GRID2: variants seen among roughly 807,000 people sequenced by gnomAD.
GRID2 encodes the protein glutamate receptor ionotropic, delta-2.
Under a neutral mutation model 114.8 loss-of-function variants are expected in GRID2, and 33 were observed. That is an observed-to-expected ratio of 0.29 (90% CI 0.22 to 0.38). The LOEUF (loss-of-function observed/expected upper bound fraction) is 0.38. GRID2 is among the 10% of genes least tolerant of loss of function. The pLI is 1.00. For missense variants in GRID2, 1,184 were observed against 1,257.7 expected (o/e 0.94, Z 0.89); for synonymous variants, 505 against 449.9 (o/e 1.12, Z -1.55).
chr4:92,649,616 T>C (rs2149260685), intron 2 of GRID2, among the ~76,000 whole-genome samples: 1 of 152,000 alleles, frequency 6.6e-6, no homozygotes. Flanking sequence ...AAATTAACCA[T>C]CACAAGTCCA....
chr4:93,103,331 T>C (rs1386786043), intron 3 of GRID2, among the ~76,000 whole-genome samples: 1 of 151,996 alleles, frequency 6.6e-6, no homozygotes, highest in African/African-American at 2.4e-5. Context: ...CCTGATAGCC[T>C]CTCTAGTCTC....
At chr4:92,467,654 A>G (rs993594964) in intron 1 of GRID2, among the ~76,000 whole-genome samples, 3 of 151,986 alleles carry the variant, frequency 2.0e-5, no homozygotes, top group African/African-American at 7.2e-5. Flanking sequence ...TATCCAACCA[A>G]GTATGGAAAA....
intron 2 of GRID2, among the ~76,000 whole-genome samples, chr4:92,692,843 C>T (rs1442234146): frequency 1.3e-5 from 2 of 151,578 alleles, no homozygotes; most frequent in African/African-American, 2.4e-5. Context: ...GCCAACATGG[C>T]GAAACCCCAT....
chr4:92,547,400 T>C (rs35237831), intron 1 of GRID2, among the ~76,000 whole-genome samples: 32,260 of 152,116 alleles, frequency 0.21, 3,811 homozygotes, highest in South Asian at 0.29. Context: ...TTGAATTTAT[T>C]TTGTTTTTAT....
intron 2 of GRID2, among the ~76,000 whole-genome samples, chr4:93,012,144 A>G (rs78307521): frequency 0.023 from 3,409 of 151,294 alleles, 62 homozygotes; most frequent in Non-Finnish European, 0.035. Flanking sequence ...AGAAGAGATT[A>G]AGGAGTAATA....
chr4:93,289,879 T>G (rs1753555109), intron 8 of GRID2, among the ~76,000 whole-genome samples: 1 of 152,000 alleles, frequency 6.6e-6, no homozygotes, highest in Non-Finnish European at 1.5e-5. Flanking sequence ...TTAAAACAAC[T>G]AACAATAAGG....
chr4:92,638,480 T>C lies in GRID2; in HGVS notation c.244+48194T>C, dbSNP rs533149095. Among the ~76,000 whole-genome samples, 551 of 147,702 alleles carry C rather than the reference T, an allele frequency of 3.7e-3. 2 individuals are homozygous for C. The highest frequency in any genetic ancestry group is 5.5e-3 in the Non-Finnish European group (370 of 67,010). Reference sequence around the variant, plus strand: ...AAATACATATATGTATAATATATAATATATAAAATAAAATTTTATATATAT... The same window carrying C: ...AAATACATATATGTATAATATATAACATATAAAATAAAATTTTATATATAT... On this transcript the variant is annotated intron_variant, in intron 2 of 15. Transcript: ENST00000282020.
At chr4:93,069,550 T>G (rs1378304539) in intron 2 of GRID2, among the ~76,000 whole-genome samples, 1 of 151,958 alleles carries the variant, frequency 6.6e-6, no homozygotes, top group Non-Finnish European at 1.5e-5. Flanking sequence ...TGATAATGAA[T>G]CCTGAGTATG....
At chr4:92,819,374 C>T (rs1037748351) in intron 2 of GRID2, among the ~76,000 whole-genome samples, 1 of 152,040 alleles carries the variant, frequency 6.6e-6, no homozygotes, top group Non-Finnish European at 1.5e-5. Flanking sequence ...GCAGCCAGTA[C>T]TGAGAACCAC....
intron 2 of GRID2, among the ~76,000 whole-genome samples, chr4:92,869,861 A>G (rs1381840963): frequency 1.3e-5 from 2 of 152,118 alleles, no homozygotes; most frequent in Admixed American, 6.6e-5. Context: ...CTTAACTTCA[A>G]CTATCATTTT....
At chr4:93,795,887 C>T (rs538317613) in intron 1 of GRID2, among the ~76,000 whole-genome samples, 89 of 152,266 alleles carry the variant, frequency 5.8e-4, no homozygotes, top group Non-Finnish European at 1.1e-3. Context: ...CATTGAGGAG[C>T]GTGTGGAAGA....
At chr4:93,726,203 G>A (rs1012301416) in intron 14 of GRID2, among the ~76,000 whole-genome samples, 5 of 152,168 alleles carry the variant, frequency 3.3e-5, no homozygotes, top group African/African-American at 9.7e-5. Flanking sequence ...TTCTACATAT[G>A]GCTAGCCAGT....
At chr4:93,581,481 TTGATAATGTTAG>T (rs1384012384) in intron 13 of GRID2, among the ~76,000 whole-genome samples, 1 of 152,150 alleles carries the variant, frequency 6.6e-6, no homozygotes, top group African/African-American at 2.4e-5. Context: ...ATATTTTAAA[TTGATAATGTTAG>T]GGAAGCCAAG....
intron 2 of GRID2, among the ~76,000 whole-genome samples, chr4:92,689,858 A>C (rs761761197): frequency 6.6e-6 from 1 of 152,068 alleles, no homozygotes; most frequent in Non-Finnish European, 1.5e-5. Context: ...TTAGCTTCCA[A>C]CTTTTCTTCT....
chr4:93,120,294 A>T (rs10008057), intron 4 of GRID2, among the ~76,000 whole-genome samples: 1 of 151,934 alleles, frequency 6.6e-6, no homozygotes, highest in African/African-American at 2.4e-5. Context: ...ACACATGCAC[A>T]CGGATGTTTC....
chr4:93,021,459 AAGG>A (rs1373326328), intron 2 of GRID2, among the ~76,000 whole-genome samples: 2 of 149,168 alleles, frequency 1.3e-5, no homozygotes, highest in Non-Finnish European at 3.0e-5. Context: ...AAAATTATTA[AAGG>A]ACTCAGATTT....
intron 2 of GRID2, among the ~76,000 whole-genome samples, chr4:92,873,249 A>G (rs1048876670): frequency 6.6e-6 from 1 of 152,158 alleles, no homozygotes; most frequent in Non-Finnish European, 1.5e-5. Context: ...ATTATGTAGT[A>G]TAGTTTTCAC....
At chr4:92,633,095 G>A (rs1221474015) in intron 2 of GRID2, among the ~76,000 whole-genome samples, 4 of 152,244 alleles carry the variant, frequency 2.6e-5, no homozygotes, top group Admixed American at 2.6e-4. Context: ...CAGACGTGAA[G>A]TGACAGGCTT....
intron 13 of GRID2, among the ~76,000 whole-genome samples, chr4:93,557,534 G>C (rs1487142968): frequency 6.6e-6 from 1 of 152,100 alleles, no homozygotes; most frequent in Non-Finnish European, 1.5e-5. Flanking sequence ...AACAAGAAGA[G>C]CTAACTATCC....
Sources: allele counts gnomAD v4.1 joint callset (sites outside exome capture counted in the v4.1 genomes callset), GRCh38; gene constraint gnomAD v4.1.1; transcripts MANE v1.5; gene names NCBI Gene and HGNC (gene_info 2026-07-23, HGNC 2026-07-21).